Variants in CALD1 observed in about 807,000 individuals in gnomAD.
CALD1 encodes the protein caldesmon 1.
CALD1 carries 33 observed loss-of-function variants against 99.9 expected under a neutral mutation model. The ratio of observed to expected loss-of-function variants is 0.33; its 90% CI spans 0.25 to 0.44. CALD1 has a LOEUF of 0.44. CALD1 is among the 20% of genes least tolerant of loss of function. The probability of loss-of-function intolerance (pLI) is 1.00; values close to 1 mark genes in which losing one functional copy is unlikely to be tolerated. For synonymous variants in CALD1, 310 were observed against 325.0 expected (o/e 0.95, Z 0.50); for missense variants, 861 against 962.1 (o/e 0.89, Z 1.39).
chr7:134,813,940 A>G (rs1798458586), intron 1 of CALD1, among the ~76,000 whole-genome samples: 1 of 152,122 alleles, frequency 6.6e-6, no homozygotes, highest in African/African-American at 2.4e-5. Context: ...TCATTGGAGG[A>G]CAGAAGCCCA....
chr7:134,749,386 G>A (rs1382567074), intron 1 of CALD1, among the ~76,000 whole-genome samples: 2 of 152,164 alleles, frequency 1.3e-5, no homozygotes, highest in Non-Finnish European at 2.9e-5. Context: ...TTGGGAGGCC[G>A]AGGTGGGCGG....
chr7:134,939,558 G>C (rs1051908544), intron 6 of CALD1, among the ~76,000 whole-genome samples: 1 of 152,072 alleles, frequency 6.6e-6, no homozygotes, highest in Admixed American at 6.5e-5. Flanking sequence ...AACTAATTAG[G>C]GCAGCATAGA....
intron 3 of CALD1, among the ~76,000 whole-genome samples, chr7:134,918,725 A>G (rs569972910): frequency 7.1e-4 from 108 of 152,288 alleles, no homozygotes; most frequent in African/African-American, 2.5e-3. Flanking sequence ...GGCTAGGCGT[A>G]GTGGCTCACG....
At chr7:134,965,611 A>G (rs1455265172) in intron 14 of CALD1, among the ~76,000 whole-genome samples, 1 of 152,184 alleles carries the variant, frequency 6.6e-6, no homozygotes, top group African/African-American at 2.4e-5. Flanking sequence ...GGTTCTCAGT[A>G]GGACATTCTC....
At chr7:134,776,843 C>G (rs1796922532), upstream of CALD1, among the ~76,000 whole-genome samples, 1 of 152,068 alleles carries the variant, frequency 6.6e-6, no homozygotes, top group Non-Finnish European at 1.5e-5. Flanking sequence ...GACATGCAAG[C>G]AAAATATAAT....
At chr7:134,929,708 A>G (rs1383843093) in intron 4 of CALD1, among the ~76,000 whole-genome samples, 2 of 125,594 alleles carry the variant, frequency 1.6e-5, no homozygotes, top group Non-Finnish European at 3.3e-5. Flanking sequence ...GTTGATGGGC[A>G]TTTAAGCTGC....
At chr7:134,736,757 G>A in the CALD1 span, among the ~76,000 whole-genome samples, 1 of 152,168 alleles carries the variant, frequency 6.6e-6, no homozygotes, top group Non-Finnish European at 1.5e-5. Flanking sequence ...CATCTTTGCT[G>A]TAAGAATTCA....
intron 13 of CALD1, among the ~76,000 whole-genome samples, chr7:134,964,938 A>G (rs1317789197): frequency 1.3e-5 from 2 of 151,826 alleles, no homozygotes; most frequent in Non-Finnish European, 2.9e-5. Context: ...ACAACAGCTA[A>G]CCCCATCTCT....
At chr7:134,778,591 G>A (rs1176215026), upstream of CALD1, among the ~76,000 whole-genome samples, 2 of 152,138 alleles carry the variant, frequency 1.3e-5, no homozygotes, top group African/African-American at 4.8e-5. Context: ...GTATTGAAAA[G>A]GACAAGACTA....
intron 2 of CALD1, among the ~76,000 whole-genome samples, chr7:134,851,627 T>TA (rs35268234): frequency 0.022 from 3,421 of 152,268 alleles, 39 homozygotes; most frequent in South Asian, 0.029. Flanking sequence ...TAACCCTGGA[T>TA]AGGCAAGGGT....
intron 1 of CALD1, among the ~76,000 whole-genome samples, chr7:134,761,359 G>A (rs980586946): frequency 6.6e-6 from 1 of 152,150 alleles, no homozygotes; most frequent in Admixed American, 6.5e-5. Flanking sequence ...ATCAGAAAAA[G>A]TTCTGCGGCT....
chr7:134,717,642 C>T, the CALD1 span, among the ~76,000 whole-genome samples: 5 of 152,172 alleles, frequency 3.3e-5, no homozygotes, highest in Admixed American at 2.0e-4. Context: ...GCTCAGGCTC[C>T]GGGTCCATAA....
intron 4 of CALD1, 65 bp from the exon 5 acceptor site, chr7:134,932,923 T>C (rs1805639258): frequency 9.0e-7 from 1 of 1,115,640 alleles, no homozygotes; most frequent in East Asian, 2.4e-5. Flanking sequence ...TAGCACAGGC[T>C]GTATGAATGC....
At chr7:134,927,294 A>G (rs1331705964) in intron 3 of CALD1, among the ~76,000 whole-genome samples, 2 of 152,150 alleles carry the variant, frequency 1.3e-5, no homozygotes, top group Non-Finnish European at 1.5e-5. Flanking sequence ...AATTTCCTCA[A>G]ATAGACATTC....
At chr7:134,804,313 CT>C (rs1316529906) in intron 1 of CALD1, among the ~76,000 whole-genome samples, 7 of 152,178 alleles carry the variant, frequency 4.6e-5, no homozygotes, top group Non-Finnish European at 7.4e-5. Context: ...GACTTCGTTT[CT>C]TTTACCTGTT....
chr7:134,930,867 A>G (rs1014733949), intron 4 of CALD1, among the ~76,000 whole-genome samples: 3 of 152,206 alleles, frequency 2.0e-5, no homozygotes, highest in Non-Finnish European at 2.9e-5. Context: ...GTAGTCATTC[A>G]CTGCCTTTTC....
At chr7:134,724,520 C>T in the CALD1 span, among the ~76,000 whole-genome samples, 1 of 152,218 alleles carries the variant, frequency 6.6e-6, no homozygotes, top group Non-Finnish European at 1.5e-5. Context: ...AGCACACCTA[C>T]TGTATGCCAG....
Position 134,960,045 on chromosome 7 carries a change from C to A in CALD1, c.2133C>A (p.Asn711Lys), listed in dbSNP as rs1229989911. The change falls in exon 12 of 15, where the codon AAC becomes AAA. Residue 711 changes from asparagine (N) to lysine (K), a missense_variant. Around this residue, in one of 5 missense-constraint regions of CALD1, gnomAD observed 190 missense variants for 249.0 expected, o/e 0.76. Transcript: ENST00000361675. ...DLPVPAEGVRNIKSMWEKGNV... is the reference protein window; with the variant it reads ...DLPVPAEGVRKIKSMWEKGNV... The stretch of plus-strand genomic sequence containing the variant: ...CTGTTCCTGCTGAAGGTGTACGCAA[C>A]ATCAAGAGTATGTGGGAGAAAGGGA... 1.9e-6 allele frequency: 3 copies of A among 1,614,004 alleles called. No homozygotes were observed. The highest frequency in any genetic ancestry group is 2.5e-6 in the Non-Finnish European group (3 of 1,180,016).
the CALD1 span, among the ~76,000 whole-genome samples, chr7:134,733,867 A>C: frequency 6.6e-6 from 1 of 151,384 alleles, no homozygotes; most frequent in African/African-American, 2.4e-5. Context: ...ATATTAAATT[A>C]TATAATGTCA....
Sources: gnomAD v4.1 joint callset for allele counts (sites outside exome capture counted in the v4.1 genomes callset) on GRCh38, gnomAD v4.1.1 for gene constraint, gnomAD v4.1.1 regional missense constraint, MANE v1.5 for transcripts, NCBI Gene and HGNC (gene_info 2026-07-23, HGNC 2026-07-21) for gene names.